TSPAN14: variants seen among roughly 807,000 people sequenced by gnomAD.
TSPAN14 encodes tetraspanin-14.
A neutral mutation model predicts 36.6 loss-of-function variants in TSPAN14; 16 were observed. The observed-to-expected ratio is 0.44, with a 90% CI of 0.30 to 0.66. The LOEUF (loss-of-function observed/expected upper bound fraction) is 0.66. TSPAN14 is among the 30% of genes least tolerant of loss of function. The probability of loss-of-function intolerance (pLI) is 0.12; values close to 1 mark genes in which losing one functional copy is unlikely to be tolerated. For synonymous variants in TSPAN14, 139 were observed against 143.8 expected (o/e 0.97, Z 0.24); for missense variants, 231 against 355.1 (o/e 0.65, Z 2.81).
chr10:80,475,307 C>G (rs1370801008), intron 1 of TSPAN14, among the ~76,000 whole-genome samples: 1 of 152,194 alleles, frequency 6.6e-6, no homozygotes, highest in Non-Finnish European at 1.5e-5. Context: ...TGGCTTATGC[C>G]TATAATCCCA....
intron 1 of TSPAN14, among the ~76,000 whole-genome samples, chr10:80,471,187 A>G (rs1846533089): frequency 6.7e-6 from 1 of 150,076 alleles, no homozygotes; most frequent in African/African-American, 2.5e-5. Flanking sequence ...GTTTGTCTCC[A>G]CGGCCTCATT....
intron 1 of TSPAN14, among the ~76,000 whole-genome samples, chr10:80,485,059 G>T (rs1847512516): frequency 6.6e-6 from 1 of 152,118 alleles, no homozygotes; most frequent in African/African-American, 2.4e-5. Context: ...CACATTCTTA[G>T]AGTTGAGACA....
At chr10:80,491,936 C>G (rs1349660585) in intron 2 of TSPAN14, among the ~76,000 whole-genome samples, 1 of 152,110 alleles carries the variant, frequency 6.6e-6, no homozygotes, top group Non-Finnish European at 1.5e-5. Context: ...TAGTGATGTG[C>G]AGTCTTCATT....
exon 4 of TSPAN14, chr10:80,507,303 G>T (rs141853189): frequency 1.8e-5 from 29 of 1,614,116 alleles, no homozygotes; most frequent in South Asian, 3.3e-5. Context: ...GATGGTGGGC[G>T]TGGTGATGTT....
At chr10:80,469,766 G>C (rs1014191194) in intron 1 of TSPAN14, among the ~76,000 whole-genome samples, 2 of 152,098 alleles carry the variant, frequency 1.3e-5, no homozygotes, top group African/African-American at 4.8e-5. Context: ...ATTTTTGTTT[G>C]TTTTGTTTTA....
intron 1 of TSPAN14, among the ~76,000 whole-genome samples, chr10:80,455,092 T>C (rs1370780022): frequency 1.3e-5 from 2 of 152,026 alleles, no homozygotes; most frequent in Non-Finnish European, 2.9e-5. Flanking sequence ...ACTGTGCTTG[T>C]CCCGGGCCGC....
intron 1 of TSPAN14, among the ~76,000 whole-genome samples, chr10:80,455,697 G>A (rs889746076): frequency 6.6e-6 from 1 of 152,050 alleles, no homozygotes; most frequent in East Asian, 1.9e-4. Flanking sequence ...TCTTTCCAGG[G>A]ATCTTCCTGG....
At chr10:80,476,077 C>T (rs1846864974) in intron 1 of TSPAN14, among the ~76,000 whole-genome samples, 2 of 152,184 alleles carry the variant, frequency 1.3e-5, no homozygotes, top group Admixed American at 6.5e-5. Flanking sequence ...ATATCTAATA[C>T]AATGTAAAGG....
intron 1 of TSPAN14, among the ~76,000 whole-genome samples, chr10:80,478,615 CA>C (rs1466253106): frequency 1.3e-5 from 2 of 152,152 alleles, no homozygotes; most frequent in African/African-American, 4.8e-5. Context: ...AGGTCAAATA[CA>C]GAGATCAGAA....
In TSPAN14 at chr10:80,509,580, C is replaced by A; in HGVS notation, c.450+109C>A. 8.3e-7 allele frequency: 1 copy of A among 1,201,546 alleles called. No homozygotes were observed. The highest frequency in any genetic ancestry group is 1.2e-6 in the Non-Finnish European group (1 of 858,586). The allele number at this position is 1,201,546 out of a possible 1,614,324, so 74.4% of individuals were successfully genotyped here. A position where few individuals can be genotyped will look rare whatever the true frequency, so the allele number is the denominator to read the frequency against. ...TTCTCTGTGGGTTGTCTGCCTGCAG[C>A]TTGGCAGACAGCAGGGAGGCCGTGG... is the stretch of plus-strand genomic sequence containing the variant. On this transcript the variant is annotated intron_variant, in intron 5 of 8. Coordinates refer to ENST00000429989, the Ensembl canonical transcript of TSPAN14. This position sits in a 1 kb window ranked among gnomAD's most constrained non-coding sequence, Gnocchi z 4.7.
At position 80,487,288 on chromosome 10, in the gene TSPAN14, C is replaced by T. The variant is rs368793067; in HGVS notation, c.-17-1929C>T. On this transcript the variant is annotated intron_variant, in intron 1 of 8. Coordinates refer to ENST00000429989, the Ensembl canonical transcript of TSPAN14. Reference sequence around the variant, plus strand: ...CTAAGCTGATACCTGATCTGCTGGGCATGGGTCTGCTGGCATGTCAGTATC... The same window carrying T: ...CTAAGCTGATACCTGATCTGCTGGGTATGGGTCTGCTGGCATGTCAGTATC... Among the ~76,000 whole-genome samples, 236 of 145,268 alleles carry T rather than the reference C, an allele frequency of 1.6e-3. 1 individual carries two copies. The highest frequency in any genetic ancestry group is 5.8e-3 in the African/African-American group (228 of 39,452).
At chr10:80,491,405 C>T (rs906660279) in intron 2 of TSPAN14, among the ~76,000 whole-genome samples, 16 of 152,148 alleles carry the variant, frequency 1.1e-4, no homozygotes, top group African/African-American at 3.6e-4. Flanking sequence ...GGTGGAGGTT[C>T]GCTGGGCTAG....
intron 2 of TSPAN14, among the ~76,000 whole-genome samples, chr10:80,489,915 A>G (rs548407126): frequency 6.6e-6 from 1 of 152,260 alleles, no homozygotes; most frequent in South Asian, 2.1e-4. Flanking sequence ...GATAGACAGA[A>G]TGGCAGCTGC....
In TSPAN14 at chr10:80,509,241, G is replaced by A. The variant is rs1262460029; in HGVS notation, c.280-60G>A. Reference sequence around the variant, plus strand: ...GTGGTTCTGGGTCAGGTGGGGTTATGTGTGTGGGGGTGCAGGCTGGTGGGG... The same window carrying A: ...GTGGTTCTGGGTCAGGTGGGGTTATATGTGTGGGGGTGCAGGCTGGTGGGG... On this transcript the variant is annotated intron_variant, in intron 4 of 8. Coordinates refer to ENST00000429989, the Ensembl canonical transcript of TSPAN14. This position sits in a 1 kb window ranked among gnomAD's most constrained non-coding sequence, Gnocchi z 4.7. 3 of 1,560,724 alleles carry A rather than the reference G, an allele frequency of 1.9e-6. No individual in the cohort carries two copies. The highest frequency in any genetic ancestry group is 2.6e-6 in the Non-Finnish European group (3 of 1,145,074).
intron 1 of TSPAN14, among the ~76,000 whole-genome samples, chr10:80,469,469 G>A (rs1047451765): frequency 1.3e-5 from 2 of 152,124 alleles, no homozygotes; most frequent in African/African-American, 2.4e-5. Flanking sequence ...GCATTCTGGC[G>A]AAGGTTGGGG....
At position 80,509,677 on chromosome 10, in the gene TSPAN14, A is replaced by C; in HGVS notation, c.450+206A>C. The C allele has an allele frequency of 3.4e-6, 2 of 583,250 alleles. No homozygotes were observed. The highest frequency in any genetic ancestry group is 3.0e-6 in the Non-Finnish European group (1 of 337,686). The allele number at this position is 583,250 out of a possible 1,614,324, so 36.1% of individuals were successfully genotyped here. On this transcript the variant is annotated intron_variant, in intron 5 of 8. Coordinates refer to ENST00000429989, the Ensembl canonical transcript of TSPAN14. The surrounding 1 kb of genome is among the most constrained non-coding windows in gnomAD (Gnocchi z 4.7). ...TTGCCTGGTGGGCCAGCCCTTTCCCATTGGGATTGGGCAGGCAAGTCCAGC... is the reference window on the plus strand; with the variant it reads ...TTGCCTGGTGGGCCAGCCCTTTCCCCTTGGGATTGGGCAGGCAAGTCCAGC...
At position 80,509,229 on chromosome 10, in the gene TSPAN14, A is replaced by G; in HGVS notation, c.280-72A>G. The stretch of plus-strand genomic sequence containing the variant: ...CTGCTGAGGATGGTGGTTCTGGGTC[A>G]GGTGGGGTTATGTGTGTGGGGGTGC... On this transcript the variant is annotated intron_variant, in intron 4 of 8. Transcript: ENST00000429989. The surrounding 1 kb of genome is among the most constrained non-coding windows in gnomAD (Gnocchi z 4.7). 6.6e-7 allele frequency: 1 copy of G among 1,513,610 alleles called. No homozygotes were observed. The highest frequency in any genetic ancestry group is 9.0e-7 in the Non-Finnish European group (1 of 1,111,342). The allele number at this position is 1,513,610 out of a possible 1,614,324, so 93.8% of individuals were successfully genotyped here.
intron 1 of TSPAN14, among the ~76,000 whole-genome samples, chr10:80,480,294 C>T (rs1475720892): frequency 6.6e-6 from 1 of 151,970 alleles, no homozygotes; most frequent in African/African-American, 2.4e-5. Flanking sequence ...TTTCCTTCTC[C>T]TGCCTAATTG....
chr10:80,470,535 G>A (rs969857228), intron 1 of TSPAN14, among the ~76,000 whole-genome samples: 4 of 152,260 alleles, frequency 2.6e-5, no homozygotes, highest in African/African-American at 9.6e-5. Flanking sequence ...TTCAGGCGTG[G>A]AAACATAGAG....
Sources: gnomAD v4.1 joint callset for allele counts (sites outside exome capture counted in the v4.1 genomes callset) on GRCh38, gnomAD v4.1.1 for gene constraint, Gnocchi (gnomAD v3.1) non-coding constraint, MANE v1.5 for transcripts, NCBI Gene and HGNC (gene_info 2026-07-23, HGNC 2026-07-21) for gene names.